MCTP2: variants seen among roughly 807,000 people sequenced by gnomAD.
MCTP2 encodes the protein multiple C2 and transmembrane domain-containing protein 2.
MCTP2 carries 132 observed loss-of-function variants against 111.6 expected under a neutral mutation model. The ratio of observed to expected loss-of-function variants is 1.18; its 90% confidence interval spans 1.03 to 1.37. The LOEUF (loss-of-function observed/expected upper bound fraction) is 1.37. Among genes scored for constraint, MCTP2 ranks in the 40% most tolerant of loss-of-function variants. MCTP2 has a pLI of 0.00. For synonymous variants in MCTP2, 395 were observed against 387.7 expected (o/e 1.02, Z -0.22); for missense variants, 1,183 against 1,067.9 (o/e 1.11, Z -1.50).
At chr15:94,380,218 A>C (rs2080054998) in intron 12 of MCTP2, among the ~76,000 whole-genome samples, 1 of 152,196 alleles carries the variant, frequency 6.6e-6, no homozygotes, top group Non-Finnish European at 1.5e-5. Flanking sequence ...GTGAATATGC[A>C]TGCTGACTGT....
intron 17 of MCTP2, among the ~76,000 whole-genome samples, chr15:94,406,400 G>A (rs1046094353): frequency 3.9e-5 from 6 of 152,192 alleles, no homozygotes; most frequent in African/African-American, 1.4e-4. Flanking sequence ...TGATGCCCAG[G>A]ATGCAATGTT....
intron 19 of MCTP2, 90 bp downstream of exon 19, chr15:94,443,050 T>TC: frequency 1.3e-6 from 1 of 793,702 alleles, no homozygotes; most frequent in Non-Finnish European, 1.8e-6. Flanking sequence ...CTCCTCTCTT[T>TC]TTTTTTTTTT....
At chr15:94,322,512 G>T (rs1170148428) in intron 4 of MCTP2, among the ~76,000 whole-genome samples, 1 of 152,154 alleles carries the variant, frequency 6.6e-6, no homozygotes, top group Non-Finnish European at 1.5e-5. Flanking sequence ...ATAAACAAAT[G>T]AACATAGCTG....
At chr15:94,310,332 G>A (rs575533257) in intron 2 of MCTP2, among the ~76,000 whole-genome samples, 27 of 152,306 alleles carry the variant, frequency 1.8e-4, no homozygotes, top group Non-Finnish European at 3.8e-4. Context: ...ACAGATGGGG[G>A]TCAAAGTGGA....
intron 14 of MCTP2, among the ~76,000 whole-genome samples, chr15:94,394,778 A>G (rs945163070): frequency 1.3e-5 from 2 of 152,174 alleles, no homozygotes; most frequent in African/African-American, 2.4e-5. Context: ...GAAAGAAAAA[A>G]AAAAGTTATA....
rs117516721 is a variant in MCTP2 at position 94,467,183 on chromosome 15, G to A, written c.2361-3150G>A. The stretch of plus-strand genomic sequence containing the variant: ...AGCACAGAGTGGTGGGGTAAATTAC[G>A]TAAGGCCATAGAGCTAACAAAAGTT... On this transcript the variant is annotated intron_variant, in intron 20 of 22. Coordinates refer to ENST00000357742, the MANE Select transcript of MCTP2 (RefSeq NM_001385001.1). 7.1e-3 allele frequency among the ~76,000 whole-genome samples: 1,077 copies of A among 152,254 alleles called. 51 individuals are homozygous for A. The East Asian group carries it at 0.12, about 17-fold the overall frequency.
intron 21 of MCTP2, among the ~76,000 whole-genome samples, chr15:94,475,044 A>G (rs749367878): frequency 2.0e-5 from 3 of 152,208 alleles, no homozygotes; most frequent in South Asian, 2.1e-4. Context: ...CACACCATAT[A>G]TAATTAACAA....
intron 12 of MCTP2, among the ~76,000 whole-genome samples, chr15:94,375,210 G>A (rs2079699089): frequency 6.6e-6 from 1 of 152,088 alleles, no homozygotes; most frequent in South Asian, 2.1e-4. Flanking sequence ...CAGATCTCTT[G>A]AGAACTCTAT....
intron 17 of MCTP2, among the ~76,000 whole-genome samples, chr15:94,415,472 G>A (rs1044386025): frequency 6.6e-6 from 1 of 152,098 alleles, no homozygotes; most frequent in Non-Finnish European, 1.5e-5. Flanking sequence ...TTCCAAAGCG[G>A]GGCTTAAAAG....
chr15:94,246,539 A>G (rs2072024362), intron 1 of MCTP2, among the ~76,000 whole-genome samples: 1 of 152,190 alleles, frequency 6.6e-6, no homozygotes, highest in Non-Finnish European at 1.5e-5. Flanking sequence ...TTAATGCCAT[A>G]TAATGTGTCA....
In MCTP2 at chr15:94,313,178, G is replaced by C. The variant is rs1440748398; in HGVS notation, c.466-1104G>C. On this transcript the variant is annotated intron_variant, in intron 2 of 22. Transcript: ENST00000357742. ...TGCCAAACAGGAATATCCTCAAATT[G>C]CTGGGAGGCCATTTGCCCATGTCCC... is the stretch of plus-strand genomic sequence containing the variant. Among the ~76,000 whole-genome samples the C allele has an allele frequency of 2.0e-5, 3 of 152,144 alleles. No individual in the cohort carries two copies. The East Asian group carries it at 5.8e-4, about 29-fold the overall frequency.
intron 19 of MCTP2, 95 bp from the exon 20 acceptor site, chr15:94,458,042 A>G (rs191712246): frequency 1.4e-6 from 1 of 708,828 alleles, no homozygotes; most frequent in African/African-American, 1.8e-5. Context: ...CTCTATTGGT[A>G]AAAACCTTGT....
At chr15:94,471,104 G>A (rs117503845) in intron 21 of MCTP2, among the ~76,000 whole-genome samples, 2,151 of 152,306 alleles carry the variant, frequency 0.014, 19 homozygotes, top group Non-Finnish European at 0.023. Flanking sequence ...TGGACAAAAT[G>A]CAAGCAGCTT....
intron 19 of MCTP2, among the ~76,000 whole-genome samples, chr15:94,454,960 A>G (rs1398048453): frequency 6.6e-6 from 1 of 152,138 alleles, no homozygotes; most frequent in Non-Finnish European, 1.5e-5. Context: ...AGCTGGGATT[A>G]CAGGCATGTG....
intron 2 of MCTP2, among the ~76,000 whole-genome samples, chr15:94,300,985 G>A (rs932509389): frequency 3.0e-4 from 46 of 152,154 alleles, no homozygotes; most frequent in African/African-American, 1.1e-3. Context: ...ATGTGGGGTT[G>A]TTGGGTTGGC....
At chr15:94,370,794 A>G (rs1011948555) in intron 12 of MCTP2, among the ~76,000 whole-genome samples, 1 of 152,188 alleles carries the variant, frequency 6.6e-6, no homozygotes, top group African/African-American at 2.4e-5. Flanking sequence ...GCGACTCCGC[A>G]CTCATTGCCA....
chr15:94,339,557 T>A, intron 5 of MCTP2, 125 bp downstream of exon 5: 1 of 645,922 alleles, frequency 1.5e-6, no homozygotes, highest in Non-Finnish European at 2.3e-6. Flanking sequence ...AAAATAATAA[T>A]ATAGAAAAAA....
rs1219913498 is a variant in MCTP2 at position 94,367,811 on chromosome 15, G to C, written c.1488+20G>C. ...CGATATGTGAGTGTTTTTCCTTATT[G>C]TACACTCCCCCTCCTCCCACCTTCT... On this transcript the variant is annotated intron_variant, in intron 11 of 22. Transcript: ENST00000357742. 2 of 1,579,808 alleles carry C rather than the reference G, an allele frequency of 1.3e-6. No homozygotes were observed. Among genetic ancestry groups the C allele is most frequent in the Non-Finnish European group, 1.7e-6 (2 of 1,165,382 alleles).
intron 4 of MCTP2, among the ~76,000 whole-genome samples, chr15:94,327,102 C>CA (rs1173223533): frequency 6.6e-6 from 1 of 152,048 alleles, no homozygotes; most frequent in Non-Finnish European, 1.5e-5. Context: ...GTTTTTGTTG[C>CA]AAAAATATTT....
Sources: allele counts gnomAD v4.1 joint callset (sites outside exome capture counted in the v4.1 genomes callset), GRCh38; gene constraint gnomAD v4.1.1; transcripts MANE v1.5; gene names NCBI Gene and HGNC (gene_info 2026-07-23, HGNC 2026-07-21).